Variants in COL8A1 observed in about 807,000 individuals in gnomAD.
COL8A1 encodes collagen alpha-1(VIII) chain.
In COL8A1, 21 loss-of-function variants were observed where a neutral mutation model predicts 42.7. The ratio of observed to expected loss-of-function variants is 0.49; its 90% confidence interval spans 0.35 to 0.71. COL8A1 has a LOEUF of 0.71. Ranked by LOEUF, COL8A1 falls within the 30% of genes least tolerant of loss-of-function variation. The pLI is 0.01. For missense variants in COL8A1, 788 were observed against 962.4 expected, an observed-to-expected ratio of 0.82 and a Z score of 2.40; for synonymous variants, 367 against 369.1, an observed-to-expected ratio of 0.99 and a Z score of 0.06.
chr3:99,728,170 G>A (rs1940394580), intron 1 of COL8A1, among the ~76,000 whole-genome samples: 1 of 151,980 alleles, frequency 6.6e-6, no homozygotes, highest in Admixed American at 6.6e-5. Context: ...GGAATTAAAG[G>A]GTATTCAATT....
At chr3:99,766,538 A>C (rs936414257) in intron 2 of COL8A1, among the ~76,000 whole-genome samples, 1 of 152,244 alleles carries the variant, frequency 6.6e-6, no homozygotes, top group Non-Finnish European at 1.5e-5. Context: ...ATTTTCCCCT[A>C]GTGTTTTCTT....
intron 2 of COL8A1, among the ~76,000 whole-genome samples, chr3:99,789,387 TCTC>T (rs1941954222): frequency 6.6e-6 from 1 of 152,216 alleles, no homozygotes; most frequent in African/African-American, 2.4e-5. Flanking sequence ...CACTTCTCTC[TCTC>T]TCTCTCCAGC....
At chr3:99,680,654 C>A (rs1938846473) in intron 1 of COL8A1, among the ~76,000 whole-genome samples, 1 of 152,126 alleles carries the variant, frequency 6.6e-6, no homozygotes. Flanking sequence ...CTCTCCAGCA[C>A]CTGTTGTTTC....
chr3:99,768,747 G>A (rs560393009), intron 2 of COL8A1, among the ~76,000 whole-genome samples: 18 of 152,274 alleles, frequency 1.2e-4, no homozygotes, highest in African/African-American at 3.1e-4. Flanking sequence ...TAACTCTACC[G>A]GAGGTCTTCC....
At chr3:99,793,744 CT>C (rs1036835414) in intron 3 of COL8A1, among the ~76,000 whole-genome samples, 2 of 152,012 alleles carry the variant, frequency 1.3e-5, no homozygotes, top group African/African-American at 2.4e-5. Context: ...ATTTTTCTTT[CT>C]TATTTATTTA....
chr3:99,686,170 T>G (rs923845002), intron 1 of COL8A1, among the ~76,000 whole-genome samples: 1 of 150,086 alleles, frequency 6.7e-6, no homozygotes, highest in African/African-American at 2.4e-5. Context: ...ACATGTCGCA[T>G]CCTCAAAATA....
intron 1 of COL8A1, among the ~76,000 whole-genome samples, chr3:99,730,226 G>C (rs902419751): frequency 1.3e-5 from 2 of 152,078 alleles, no homozygotes; most frequent in Non-Finnish European, 2.9e-5. Context: ...AATTAGGAAG[G>C]AGACTGGCTC....
chr3:99,778,505 G>A (rs990261749), intron 2 of COL8A1, among the ~76,000 whole-genome samples: 3 of 151,960 alleles, frequency 2.0e-5, no homozygotes, highest in Non-Finnish European at 4.4e-5. Flanking sequence ...ATTTATCATA[G>A]GTATAAAGAG....
chr3:99,783,212 C>T (rs1052410305), intron 2 of COL8A1, among the ~76,000 whole-genome samples: 4 of 152,126 alleles, frequency 2.6e-5, no homozygotes, highest in African/African-American at 9.7e-5. Flanking sequence ...TCTGGAGAAC[C>T]TTTGGAATGT....
chr3:99,665,862 T>C (rs1386114698), intron 1 of COL8A1, among the ~76,000 whole-genome samples: 1 of 151,208 alleles, frequency 6.6e-6, no homozygotes, highest in Non-Finnish European at 1.5e-5. Flanking sequence ...TTTTTTTTTT[T>C]TTTTACTTAG....
At chr3:99,790,367 G>A (rs1419437730) in intron 2 of COL8A1, among the ~76,000 whole-genome samples, 2 of 152,126 alleles carry the variant, frequency 1.3e-5, no homozygotes, top group African/African-American at 2.4e-5. Flanking sequence ...TCTTCATTCT[G>A]GGCTGCTCTA....
rs5851188 is a variant in COL8A1, at chr3:99,798,618, ATGTGTGTGTGTG to A, written c.*2491_*2502del. 1 of 141,152 alleles carries A rather than the reference ATGTGTGTGTGTG, an allele frequency of 7.1e-6. No homozygotes were observed. Among genetic ancestry groups the A allele is most frequent in the Admixed American group, 7.0e-5 (1 of 14,324 alleles). The allele number at this position is 141,152 out of a possible 1,614,324, so 8.7% of individuals were successfully genotyped here. ...CTCAATTGCCTATATATATATATATATGTGTGTGTGTGTGTGTGTGCGCGTGAGCGCACGTGT... is the reference window on the plus strand; with the variant it reads ...CTCAATTGCCTATATATATATATATATGTGTGTGCGCGTGAGCGCACGTGT... On this transcript the variant is annotated 3_prime_UTR_variant, in exon 4 of 4. Coordinates refer to ENST00000652472, the MANE Select transcript of COL8A1 (RefSeq NM_020351.4).
chr3:99,789,688 GC>G (rs1450060708), intron 2 of COL8A1, among the ~76,000 whole-genome samples: 6 of 152,128 alleles, frequency 3.9e-5, no homozygotes, highest in Admixed American at 2.0e-4. Context: ...TCTGTTTACT[GC>G]TAATTTGTAA....
In COL8A1 at chr3:99,795,072, G is replaced by C. The variant is rs267599510; in HGVS notation, c.1171G>C (p.Glu391Gln). Residue 391 changes from glutamate to glutamine, a missense_variant, in exon 4 of 4, where the codon GAG (glutamate) becomes CAG (glutamine). Glu to Gln is a conservative substitution (Grantham distance 29). Around this residue, in one of 4 missense-constraint regions of COL8A1, gnomAD observed 421 missense variants for 553.1 expected, o/e 0.76. Transcript: ENST00000652472. The part of the protein sequence containing the change: ...GAPGIGGPPG[E>Q]PGLPGIPGPM... ...CCCAGGAATAGGGGGTCCTCCAGGAGAGCCAGGCCTGCCTGGAATCCCAGG... is the reference window on the plus strand; with the variant it reads ...CCCAGGAATAGGGGGTCCTCCAGGACAGCCAGGCCTGCCTGGAATCCCAGG... The C allele has an allele frequency of 1.2e-6, 2 of 1,611,172 alleles. No individual in the cohort carries two copies. Among genetic ancestry groups the C allele is most frequent in the Non-Finnish European group, 8.5e-7 (1 of 1,178,724 alleles).
intron 1 of COL8A1, among the ~76,000 whole-genome samples, chr3:99,716,736 G>T (rs896699802): frequency 2.6e-5 from 4 of 151,918 alleles, no homozygotes; most frequent in Admixed American, 6.6e-5. Flanking sequence ...GAGGAAAAAA[G>T]TATTTTTCTA....
chr3:99,728,609 C>A (rs1034956211), intron 1 of COL8A1, among the ~76,000 whole-genome samples: 1 of 151,956 alleles, frequency 6.6e-6, no homozygotes, highest in African/African-American at 2.4e-5. Context: ...ATTGTAGTCA[C>A]CCAGTGAATT....
rs1059905 is a variant in COL8A1 at position 99,798,035 on chromosome 3, A to T, written c.*1899A>T. On this transcript the variant is annotated 3_prime_UTR_variant, in exon 4 of 4. Coordinates refer to ENST00000652472, the MANE Select transcript of COL8A1 (RefSeq NM_020351.4). ...GTATATTTTTGTCAAAAATAAAACC[A>T]TGAGTTAAGGGGATAGATATAGATG... is the stretch of plus-strand genomic sequence containing the variant. 0.58 allele frequency: 88,650 copies of T among 152,086 alleles called. 26,041 individuals are homozygous for T. Among genetic ancestry groups the T allele is most frequent in the East Asian group, 0.72 (3,724 of 5,166 alleles). 9.4% of individuals were successfully genotyped at this position (152,086 alleles called of 1,614,324 possible).
rs552999753 is a variant in COL8A1, at chr3:99,793,941, G to A, written c.329-289G>A. Among the ~76,000 whole-genome samples, 418 of 152,170 alleles carry A rather than the reference G, an allele frequency of 2.7e-3. 1 individual carries two copies. The highest frequency in any genetic ancestry group is 0.014 in the Middle Eastern group (4 of 294). ...TAATTTTTGTATTTTTAGTAGAGAC[G>A]CGGTTTCACTGTGTTGGCCAAGCTG... On this transcript the variant is annotated intron_variant, in intron 3 of 3. Coordinates refer to ENST00000652472, the MANE Select transcript of COL8A1 (RefSeq NM_020351.4).
At position 99,769,368 on chromosome 3, in the gene COL8A1, G is replaced by A. The variant is rs554768658; in HGVS notation, c.-3-21312G>A. On this transcript the variant is annotated intron_variant, in intron 2 of 3. Coordinates refer to ENST00000652472, the MANE Select transcript of COL8A1 (RefSeq NM_020351.4). ...TTTACCAGGGACATTGGATTGACAA[G>A]GTTTCTAGTTGTTGATAAGTGCAGA... 4.6e-5 allele frequency among the ~76,000 whole-genome samples: 7 copies of A among 152,320 alleles called. No homozygotes were observed. The East Asian group carries it at 1.4e-3, about 29-fold the overall frequency.
Sources: allele counts gnomAD v4.1 joint callset (sites outside exome capture counted in the v4.1 genomes callset), GRCh38; gene constraint gnomAD v4.1.1; regional missense constraint gnomAD v4.1.1; transcripts MANE v1.5; gene names NCBI Gene and HGNC (gene_info 2026-07-23, HGNC 2026-07-21).